Variants in WDR11 observed in about 807,000 individuals in gnomAD.
WDR11 encodes the protein WD repeat domain 11.
In WDR11, 83 loss-of-function variants were observed where a neutral mutation model predicts 151.2. That is an observed-to-expected ratio of 0.55 (90% CI 0.46 to 0.66). WDR11 has a LOEUF of 0.66. Among genes scored for constraint, WDR11 ranks in the 30% least tolerant of loss-of-function variants. WDR11 has a pLI of 0.00. For missense variants in WDR11, 1,301 were observed against 1,480.9 expected (o/e 0.88, Z 1.99); for synonymous variants, 484 against 533.1 (o/e 0.91, Z 1.27).
In WDR11 at chr10:120,905,362, C is replaced by T; in HGVS notation, c.3237C>T (p.Ala1079=). The part of the protein sequence containing the change: ...LLCLIDKAAD[A]CRYLQTYGEW... ...GCCTGATAGATAAGGCTGCAGACGC[C>T]TGCCGCTACCTGCAGACATACGGCG... Residue 1079 remains alanine (A), a synonymous_variant, in exon 26 of 29, where the codon GCC becomes GCT. Transcript: ENST00000263461. 1 of 1,614,168 alleles carries T rather than the reference C, an allele frequency of 6.2e-7. No homozygotes were observed.
intron 12 of WDR11, chr10:120,879,090 T>A (rs918995084): frequency 5.3e-5 from 8 of 152,214 alleles, no homozygotes; most frequent in African/African-American, 1.4e-4. Flanking sequence ...GAGGTTTTTT[T>A]AAAAATAAAA....
intron 28 of WDR11, chr10:120,907,571 C>G (rs1175684524): frequency 1.4e-5 from 2 of 144,734 alleles, no homozygotes; most frequent in Non-Finnish European, 3.1e-5. Context: ...TTCTCTCTCT[C>G]TTTCTCCCTC....
At chr10:120,880,999 A>G in intron 13 of WDR11, 98 bp downstream of exon 13, 2 of 1,088,440 alleles carry the variant, frequency 1.8e-6, no homozygotes, top group East Asian at 5.2e-5. Context: ...TGGAATGCAT[A>G]TGGAATCTTT....
Position 120,865,028 on chromosome 10 carries a change from G to C in WDR11, c.714-19G>C. The C allele has an allele frequency of 6.2e-7, 1 of 1,613,424 alleles. No individual in the cohort carries two copies. The highest frequency in any genetic ancestry group is 8.5e-7 in the Non-Finnish European group (1 of 1,179,558). On this transcript the variant is annotated intron_variant, in intron 5 of 28. Transcript: ENST00000263461. ...TATAAATGAAGTCTTTGACCCAAGT[G>C]AATGTTTACTTTTTTCAGTGCTGAA...
chr10:120,876,338 C>T (rs1846789142), intron 11 of WDR11, among the ~76,000 whole-genome samples: 1 of 152,120 alleles, frequency 6.6e-6, no homozygotes, highest in Admixed American at 6.5e-5. Context: ...GAAAAGTTTG[C>T]ATTGTCTTAC....
intron 11 of WDR11, 126 bp downstream of exon 11, chr10:120,874,049 T>C (rs572365586): frequency 4.4e-6 from 3 of 688,030 alleles, no homozygotes; most frequent in Non-Finnish European, 7.9e-6. Context: ...TTGAATAATA[T>C]TCATGTCCAA....
intron 15 of WDR11, 73 bp downstream of exon 15, chr10:120,886,011 C>T (rs935974388): frequency 1.0e-5 from 16 of 1,594,656 alleles, no homozygotes; most frequent in African/African-American, 9.4e-5. Flanking sequence ...CAAGTATCAT[C>T]GGAAGGTGTC....
At chr10:120,895,223 T>C (rs1405972949) in intron 19 of WDR11, among the ~76,000 whole-genome samples, 1 of 152,206 alleles carries the variant, frequency 6.6e-6, no homozygotes, top group African/African-American at 2.4e-5. Flanking sequence ...CCCTGACATT[T>C]ACCATTTCCA....
In WDR11 at chr10:120,889,181, C is replaced by A. The variant is rs762657587; in HGVS notation, c.2225C>A (p.Ser742Tyr). The A allele has an allele frequency of 1.3e-5, 21 of 1,588,696 alleles. No individual in the cohort carries two copies. The highest frequency in any genetic ancestry group is 1.8e-5 in the Non-Finnish European group (21 of 1,157,200). Residue 742 changes from serine (S) to tyrosine (Y), a missense_variant, in exon 17 of 29, where the codon TCC becomes TAC. By Grantham distance (144) the Ser-to-Tyr change is moderately radical. Coordinates refer to ENST00000263461, the MANE Select transcript of WDR11 (RefSeq NM_018117.12). Reference protein sequence around the residue: ...LNFWDLKGRVSRGIPTHRSWV... With the variant: ...LNFWDLKGRVYRGIPTHRSWV... The stretch of plus-strand genomic sequence containing the variant: ...TTCTGGGACTTGAAAGGCAGAGTAT[C>A]CAGGTATAAGCCAAGAATGAAATCT...
chr10:120,859,210 A>G (rs1846047844), intron 3 of WDR11, among the ~76,000 whole-genome samples: 2 of 151,290 alleles, frequency 1.3e-5, no homozygotes, highest in African/African-American at 4.9e-5. Flanking sequence ...TTTCATATAG[A>G]TTGCTTGTTT....
chr10:120,852,278 C>T (rs1394423921), intron 1 of WDR11: 2 of 454,040 alleles, frequency 4.4e-6, no homozygotes, highest in South Asian at 2.2e-5. Context: ...TTTATGTCCT[C>T]GGGTCTCTAT....
At chr10:120,884,633 A>T (rs1847151289) in intron 14 of WDR11, among the ~76,000 whole-genome samples, 1 of 152,122 alleles carries the variant, frequency 6.6e-6, no homozygotes, top group South Asian at 2.1e-4. Flanking sequence ...CAATGCATTT[A>T]ATTAATCAAG....
At chr10:120,874,275 T>C (rs1052182755) in intron 11 of WDR11, among the ~76,000 whole-genome samples, 2 of 150,514 alleles carry the variant, frequency 1.3e-5, no homozygotes, top group Non-Finnish European at 3.0e-5. Context: ...CCAACTAATA[T>C]TGTTGCACCT....
intron 2 of WDR11, among the ~76,000 whole-genome samples, chr10:120,858,342 C>T (rs898491765): frequency 6.6e-6 from 1 of 152,110 alleles, no homozygotes; most frequent in African/African-American, 2.4e-5. Flanking sequence ...CTTAGGAAAA[C>T]TGATTTTCAA....
chr10:120,905,515 C>T, intron 26 of WDR11, 99 bp downstream of exon 26: 1 of 1,285,454 alleles, frequency 7.8e-7, no homozygotes, highest in Non-Finnish European at 1.1e-6. Flanking sequence ...TTTTGGCCTG[C>T]AAAGCTGCTT....
At chr10:120,877,288 A>G (rs1846828648) in intron 11 of WDR11, among the ~76,000 whole-genome samples, 1 of 152,234 alleles carries the variant, frequency 6.6e-6, no homozygotes, top group African/African-American at 2.4e-5. Flanking sequence ...GTGAATGATC[A>G]TACAAAGATA....
intron 24 of WDR11, 35 bp downstream of exon 24, chr10:120,904,177 A>C: frequency 6.8e-7 from 1 of 1,473,728 alleles, no homozygotes; most frequent in Non-Finnish European, 9.5e-7. Context: ...ATGCTTCATT[A>C]AATTGCTAGT....
intron 3 of WDR11, among the ~76,000 whole-genome samples, chr10:120,859,225 G>A (rs118100603): frequency 0.014 from 1,991 of 147,234 alleles, 18 homozygotes; most frequent in Non-Finnish European, 0.019. Context: ...TTGTTTGTTC[G>A]TTTCATGTTA....
chr10:120,906,548 ACT>A, intron 27 of WDR11: 1 of 1,394,408 alleles, frequency 7.2e-7, no homozygotes, highest in South Asian at 1.5e-5. Flanking sequence ...GTGTATTTAA[ACT>A]ATTTCACAAT....
Sources: gnomAD v4.1 joint callset for allele counts (sites outside exome capture counted in the v4.1 genomes callset) on GRCh38, gnomAD v4.1.1 for gene constraint, MANE v1.5 for transcripts, NCBI Gene and HGNC (gene_info 2026-07-23, HGNC 2026-07-21) for gene names.